EYA1: variants seen among roughly 807,000 people sequenced by gnomAD.
EYA1 encodes protein phosphatase EYA1.
A neutral mutation model predicts 82.0 loss-of-function variants in EYA1; 16 were observed. The ratio of observed to expected loss-of-function variants is 0.20; its 90% CI spans 0.13 to 0.30. The LOEUF (loss-of-function observed/expected upper bound fraction) is 0.30, where lower values mean the gene tolerates loss of function less well. Among genes scored for constraint, EYA1 ranks in the 10% least tolerant of loss-of-function variants. EYA1 has a pLI of 1.00. For synonymous variants in EYA1, 261 were observed against 264.4 expected (o/e 0.99, Z 0.12); for missense variants, 633 against 730.7 (o/e 0.87, Z 1.54).
chr8:71,430,348 C>T (rs1424177499), intron 2 of EYA1, among the ~76,000 whole-genome samples: 1 of 152,088 alleles, frequency 6.6e-6, no homozygotes, highest in African/African-American at 2.4e-5. Flanking sequence ...AATACACTAC[C>T]CAGAGTCACA....
intron 6 of EYA1, among the ~76,000 whole-genome samples, chr8:71,319,648 C>T (rs1822311830): frequency 6.6e-6 from 1 of 152,136 alleles, no homozygotes; most frequent in Admixed American, 6.5e-5. Flanking sequence ...ACTGATCTAT[C>T]ATTCTCATGA....
chr8:71,215,723 G>C lies in EYA1; in HGVS notation c.1366C>G (p.Leu456Val). Residue 456 changes from leucine (L) to valine (V), a missense_variant, in exon 15 of 18, where the codon CTT becomes GTT. Transcript: ENST00000340726. ...CAGGCTTCCCTCTTAGCTGGACCAA[G>C]CAGACCTGAGGATTTAAAAGCACAT... ...NTYKNNVGGL[L>V]GPAKREAWLQ... The C allele has an allele frequency of 6.2e-7, 1 of 1,611,314 alleles. No homozygotes were observed. The highest frequency in any genetic ancestry group is 8.5e-7 in the Non-Finnish European group (1 of 1,177,504).
chr8:71,447,882 G>A (rs1416680730), intron 2 of EYA1, among the ~76,000 whole-genome samples: 1 of 152,132 alleles, frequency 6.6e-6, no homozygotes, highest in Non-Finnish European at 1.5e-5. Context: ...TCAGGATGGA[G>A]GTTGCTGAAG....
intron 3 of EYA1, among the ~76,000 whole-genome samples, chr8:71,339,040 A>T (rs1271090824): frequency 3.9e-5 from 6 of 152,130 alleles, no homozygotes; most frequent in Non-Finnish European, 8.8e-5. Context: ...ACTTACCTTC[A>T]TTCCATATTG....
chr8:71,291,624 C>A (rs1563408886), intron 9 of EYA1, among the ~76,000 whole-genome samples: 1 of 152,176 alleles, frequency 6.6e-6, no homozygotes, highest in Non-Finnish European at 1.5e-5. Context: ...GTTTCGTTCA[C>A]CATTCACTTT....
At chr8:71,312,266 A>G (rs574403632) in intron 7 of EYA1, among the ~76,000 whole-genome samples, 1 of 152,132 alleles carries the variant, frequency 6.6e-6, no homozygotes, top group East Asian at 1.9e-4. Flanking sequence ...GGCTTTTTGT[A>G]GTTTTCTTTA....
At chr8:71,203,994 T>C (rs1464694723) in intron 17 of EYA1, among the ~76,000 whole-genome samples, 2 of 152,180 alleles carry the variant, frequency 1.3e-5, no homozygotes, top group Non-Finnish European at 2.9e-5. Flanking sequence ...ATGGGATATT[T>C]ACCCAGAGAT....
intron 12 of EYA1, among the ~76,000 whole-genome samples, chr8:71,220,812 G>A (rs1809808877): frequency 6.6e-6 from 1 of 152,160 alleles, no homozygotes; most frequent in African/African-American, 2.4e-5. Context: ...AAGGCCCTGA[G>A]GCAGGAGAAC....
At chr8:71,528,804 G>A (rs1483832938) in intron 2 of EYA1, among the ~76,000 whole-genome samples, 2 of 152,170 alleles carry the variant, frequency 1.3e-5, no homozygotes, top group Non-Finnish European at 2.9e-5. Flanking sequence ...ACACAATCAT[G>A]CAAGAAAGGT....
chr8:71,223,791 C>A lies in EYA1; in HGVS notation c.1141-6768G>T, dbSNP rs150833815. 2.0e-4 allele frequency among the ~76,000 whole-genome samples: 30 copies of A among 152,248 alleles called. No individual in the cohort carries two copies. In the East Asian group the frequency reaches 2.9e-3, roughly 15 times the overall value. On this transcript the variant is annotated intron_variant, in intron 12 of 17. Transcript: ENST00000340726. ...AGACATGTTCTTTTGGACCAATCCC[C>A]GGGAATAACTCAGATTTTGTACAGA...
intron 2 of EYA1, among the ~76,000 whole-genome samples, chr8:71,439,386 G>A (rs1321630764): frequency 6.6e-6 from 1 of 152,134 alleles, no homozygotes; most frequent in Non-Finnish European, 1.5e-5. Flanking sequence ...GGTAAAGGGG[G>A]TATGGAAAGA....
chr8:71,445,817 T>C (rs1488374208), intron 2 of EYA1, among the ~76,000 whole-genome samples: 1 of 152,122 alleles, frequency 6.6e-6, no homozygotes, highest in African/African-American at 2.4e-5. Context: ...CCTCCCAAAG[T>C]GTTGGGATTA....
intron 2 of EYA1, among the ~76,000 whole-genome samples, chr8:71,527,754 T>A (rs1233659757): frequency 6.6e-6 from 1 of 152,194 alleles, no homozygotes; most frequent in Non-Finnish European, 1.5e-5. Context: ...TGCATTAACA[T>A]TATCCTGGGA....
intron 11 of EYA1, among the ~76,000 whole-genome samples, chr8:71,247,802 C>A (rs1813287895): frequency 6.6e-6 from 1 of 152,126 alleles, no homozygotes; most frequent in Non-Finnish European, 1.5e-5. Flanking sequence ...AACAAAACAC[C>A]TGACTAAGGT....
At chr8:71,457,575 G>A (rs946858052) in intron 2 of EYA1, among the ~76,000 whole-genome samples, 1 of 152,130 alleles carries the variant, frequency 6.6e-6, no homozygotes, top group Non-Finnish European at 1.5e-5. Flanking sequence ...GGAATACTAT[G>A]CAGCCATAAA....
At chr8:71,358,574 A>G (rs529019474) in intron 1 of EYA1, among the ~76,000 whole-genome samples, 1 of 152,250 alleles carries the variant, frequency 6.6e-6, no homozygotes, top group Admixed American at 6.5e-5. Context: ...AAATAAATCT[A>G]CTCTCAAGAA....
At chr8:71,516,602 G>T (rs1050310013) in intron 2 of EYA1, among the ~76,000 whole-genome samples, 1 of 152,138 alleles carries the variant, frequency 6.6e-6, no homozygotes, top group Non-Finnish European at 1.5e-5. Context: ...AATTTGCACA[G>T]TATGGCCAAA....
intron 11 of EYA1, among the ~76,000 whole-genome samples, chr8:71,267,612 G>T (rs569511565): frequency 5.0e-4 from 76 of 152,204 alleles, no homozygotes; most frequent in African/African-American, 1.6e-3. Context: ...ACAGTGGCGC[G>T]ATCTCTGCTC....
chr8:71,409,997 C>A (rs1830493031), intron 2 of EYA1, among the ~76,000 whole-genome samples: 1 of 151,304 alleles, frequency 6.6e-6, no homozygotes, highest in South Asian at 2.1e-4. Context: ...CAAACCGAAT[C>A]CAGCAGCACA....
Sources: allele counts gnomAD v4.1 joint callset (sites outside exome capture counted in the v4.1 genomes callset), GRCh38; gene constraint gnomAD v4.1.1; transcripts MANE v1.5; gene names NCBI Gene and HGNC (gene_info 2026-07-23, HGNC 2026-07-21).